Variants in PCDH11X observed in about 807,000 individuals in gnomAD.
PCDH11X encodes protocadherin 11 X-linked.
Under a neutral mutation model 53.3 loss-of-function variants are expected in PCDH11X, and 18 were observed. That is an observed-to-expected ratio of 0.34 (90% CI 0.23 to 0.50). The LOEUF is 0.50. Among genes scored for constraint, PCDH11X ranks in the 20% least tolerant of loss-of-function variants. The probability of loss-of-function intolerance (pLI) is 0.98; values close to 1 mark genes in which losing one functional copy is unlikely to be tolerated. For missense variants in PCDH11X, 570 were observed against 1,032.4 expected (o/e 0.55, Z 6.14); for synonymous variants, 279 against 393.3 (o/e 0.71, Z 3.44).
chrX:92,524,879 C>T (rs1242619510), intron 10 of PCDH11X, among the ~76,000 whole-genome samples: 2 of 111,377 alleles, frequency 1.8e-5, no homozygotes, highest in African/African-American at 6.5e-5. Flanking sequence ...TGTCTCTAAT[C>T]AGGACCTTAT....
chrX:92,070,533 G>A (rs1257861005), intron 6 of PCDH11X, among the ~76,000 whole-genome samples: 1 of 111,584 alleles, frequency 9.0e-6, no homozygotes, highest in African/African-American at 3.3e-5. Flanking sequence ...TTTGATGCAA[G>A]ATGTATTGGA....
At chrX:91,793,995 A>C (rs1335306048) in intron 1 of PCDH11X, among the ~76,000 whole-genome samples, 1 of 111,479 alleles carries the variant, frequency 9.0e-6, no homozygotes, top group Non-Finnish European at 1.9e-5. Context: ...TTAGAGAAGC[A>C]AACCCTGTTT....
At position 92,259,828 on chromosome X, in the gene PCDH11X, G is replaced by A. The variant is rs765624682; in HGVS notation, c.3115-3286G>A. On this transcript the variant is annotated intron_variant, in intron 7 of 10. Transcript: ENST00000682573. ...GTAGGTGATAAAAACTGCCAGGATC[G>A]GGTCCTTTCCTTCAAGGCAGCAGAT... 2.5e-4 allele frequency among the ~76,000 whole-genome samples: 28 copies of A among 111,510 alleles called. No individual in the cohort carries two copies. In the East Asian group the frequency reaches 3.7e-3, roughly 15 times the overall value.
intron 9 of PCDH11X, among the ~76,000 whole-genome samples, chrX:92,433,090 G>A (rs1316908227): frequency 9.1e-6 from 1 of 110,381 alleles, no homozygotes; most frequent in Non-Finnish European, 1.9e-5. Context: ...AGTGGTGAAG[G>A]GGGGATTCAT....
intron 8 of PCDH11X, among the ~76,000 whole-genome samples, chrX:92,280,791 TAAA>T (rs1045628472): frequency 1.9e-5 from 2 of 106,709 alleles, no homozygotes; most frequent in African/African-American, 6.8e-5. Flanking sequence ...ATATTTTTTT[TAAA>T]AAAAAATTGA....
chrX:91,966,152 A>ATT (rs202233727), intron 6 of PCDH11X, among the ~76,000 whole-genome samples: 5,119 of 102,101 alleles, frequency 0.05, 341 homozygotes, highest in African/African-American at 0.17. Context: ...CAGTTCTTTG[A>ATT]TTTTTTTTTT....
chrX:91,784,644 A>T (rs1333680308), intron 1 of PCDH11X, among the ~76,000 whole-genome samples: 1 of 111,703 alleles, frequency 9.0e-6, no homozygotes, highest in Admixed American at 9.5e-5. Context: ...TCTTTCTACA[A>T]CCAGTTAGAG....
chrX:92,068,278 T>C (rs979680511), intron 6 of PCDH11X, among the ~76,000 whole-genome samples: 1 of 110,226 alleles, frequency 9.1e-6, no homozygotes, highest in Admixed American at 9.8e-5. Context: ...TGTTTGTTTG[T>C]TTTTATGTAG....
At chrX:91,788,084 A>T (rs1219490432) in intron 1 of PCDH11X, among the ~76,000 whole-genome samples, 1 of 111,918 alleles carries the variant, frequency 8.9e-6, no homozygotes, top group Non-Finnish European at 1.9e-5. Flanking sequence ...GAATTAATTT[A>T]TTCCACAAAC....
intron 5 of PCDH11X, among the ~76,000 whole-genome samples, chrX:91,855,487 TG>T (rs1938275962): frequency 9.2e-6 from 1 of 108,803 alleles, no homozygotes; most frequent in African/African-American, 3.6e-5. Context: ...CTGGGTTTTT[TG>T]TGTGGTTCTA....
intron 6 of PCDH11X, among the ~76,000 whole-genome samples, chrX:92,171,089 G>A (rs1166127179): frequency 9.6e-6 from 1 of 104,514 alleles, no homozygotes; most frequent in Admixed American, 1.1e-4. Context: ...ATCAGTGCAA[G>A]CCGCTGTGTC....
At chrX:92,599,349 G>A (rs1033824094) in intron 10 of PCDH11X, among the ~76,000 whole-genome samples, 1 of 111,243 alleles carries the variant, frequency 9.0e-6, no homozygotes, top group African/African-American at 3.3e-5. Flanking sequence ...ATCTTGAATT[G>A]TAGCTCCCAT....
At position 92,466,435 on chromosome X, in the gene PCDH11X, G is replaced by A. The variant is rs1015860639; in HGVS notation, c.3344-1864G>A. ...ATAATTATAATGAATGCATTTCTTA[G>A]TGGTTGTTAGTATATAAGATATATA... On this transcript the variant is annotated intron_variant, in intron 9 of 10. Transcript: ENST00000682573. Among the ~76,000 whole-genome samples, 240 of 108,310 alleles carry A rather than the reference G, an allele frequency of 2.2e-3. 1 individual carries two copies. Among genetic ancestry groups the A allele is most frequent in the African/African-American group, 7.6e-3 (227 of 29,836 alleles). 94.1% of individuals were successfully genotyped at this position (108,310 alleles called of 115,157 possible). A position where few individuals can be genotyped will look rare whatever the true frequency, so the allele number is the denominator to read the frequency against.
intron 9 of PCDH11X, among the ~76,000 whole-genome samples, chrX:92,438,110 GA>G (rs2072429467): frequency 4.5e-5 from 5 of 111,507 alleles, no homozygotes; most frequent in Admixed American, 3.8e-4. Flanking sequence ...AGTAAATTGA[GA>G]GTCGTATATT....
rs986781035 is a variant in PCDH11X, at chrX:92,346,091, G to A, written c.3145-41644G>A. On this transcript the variant is annotated intron_variant, in intron 8 of 10. Transcript: ENST00000682573. ...GTGAAGCAGCAAATATAGATGGGACGCTTGCATGTACATTAACGACTGCCA... is the reference window on the plus strand; with the variant it reads ...GTGAAGCAGCAAATATAGATGGGACACTTGCATGTACATTAACGACTGCCA... Among the ~76,000 whole-genome samples the A allele has an allele frequency of 2.7e-5, 3 of 110,406 alleles. No individual in the cohort carries two copies. In the East Asian group the frequency reaches 8.5e-4, roughly 31 times the overall value.
chrX:92,451,231 A>G lies in PCDH11X; in HGVS notation c.3344-17068A>G, dbSNP rs773541076. Among the ~76,000 whole-genome samples the G allele has an allele frequency of 3.1e-3, 342 of 111,612 alleles. 1 individual carries two copies. Among genetic ancestry groups the G allele is most frequent in the Non-Finnish European group, 4.5e-3 (241 of 53,039 alleles). ...CCCTAGCCTTTAATCAAAAGTATGA[A>G]TTTTTGAATGAAACAAGTACATTTG... On this transcript the variant is annotated intron_variant, in intron 9 of 10. Transcript: ENST00000682573.
chrX:91,811,349 T>C, intron 4 of PCDH11X, 54 bp downstream of exon 4: 4 of 1,012,270 alleles, frequency 4.0e-6, no homozygotes, highest in Non-Finnish European at 5.4e-6. Context: ...CTGGGTCTTT[T>C]CAGGAGTAGT....
chrX:92,234,891 CA>C (rs921954517), intron 7 of PCDH11X, among the ~76,000 whole-genome samples: 3 of 110,897 alleles, frequency 2.7e-5, no homozygotes, highest in African/African-American at 9.8e-5. Context: ...GATAATAAAA[CA>C]TTTCTTCTCC....
intron 8 of PCDH11X, among the ~76,000 whole-genome samples, chrX:92,277,145 A>G (rs951861295): frequency 9.1e-6 from 1 of 110,034 alleles, no homozygotes; most frequent in African/African-American, 3.3e-5. Context: ...AGAAAGACTC[A>G]GTGACGCTTG....
Sources: allele counts gnomAD v4.1 joint callset (sites outside exome capture counted in the v4.1 genomes callset), GRCh38; gene constraint gnomAD v4.1.1; transcripts MANE v1.5; gene names NCBI Gene and HGNC (gene_info 2026-07-23, HGNC 2026-07-21).